ALKBH2: variants seen among roughly 807,000 people sequenced by gnomAD.
ALKBH2 encodes the protein DNA oxidative demethylase ALKBH2.
ALKBH2 carries 19 observed loss-of-function variants against 19.7 expected under a neutral mutation model. That is an observed-to-expected ratio of 0.97 (90% CI 0.67 to 1.42). The LOEUF (loss-of-function observed/expected upper bound fraction) is 1.42, where lower values mean the gene tolerates loss of function less well. ALKBH2 is among the 40% of genes most tolerant of loss of function. The pLI, the probability that ALKBH2 is intolerant of heterozygous loss-of-function variation, is 0.00. For synonymous variants in ALKBH2, 135 were observed against 131.2 expected (o/e 1.03, Z -0.20); for missense variants, 310 against 328.5 (o/e 0.94, Z 0.43).
chr12:109,092,876 C>T lies in ALKBH2; in HGVS notation c.-90G>A, dbSNP rs1158437570. On this transcript the variant is annotated 5_prime_UTR_variant, in exon 2 of 4. Transcript: ENST00000429722. The stretch of plus-strand genomic sequence containing the variant: ...TCCCCAGTGCAAAAATCTGTTTGTC[C>T]AAGGGGTCTCACAGCAACATTCCTA... 2 of 1,514,532 alleles carry T rather than the reference C, an allele frequency of 1.3e-6. No individual in the cohort carries two copies. Among genetic ancestry groups the T allele is most frequent in the East Asian group, 4.6e-5 (2 of 43,740 alleles). The allele number at this position is 1,514,532 out of a possible 1,614,324, so 93.8% of individuals were successfully genotyped here.
rs1296045064 is a variant in ALKBH2, at chr12:109,090,086, C to A, written c.402G>T (p.Trp134Cys). 1 of 1,614,170 alleles carries A rather than the reference C, an allele frequency of 6.2e-7. No homozygotes were observed. Among genetic ancestry groups the A allele is most frequent in the Non-Finnish European group, 8.5e-7 (1 of 1,180,010 alleles). ...FSGLTLSPKP[W>C]IPVLERIRDH... ...CCCGGATGCGCTCTAGAACTGGGAT[C>A]CAGGGCTTTGGAGACAGCGTGAGGC... The change falls in exon 3 of 4, where the codon TGG (tryptophan) becomes TGT (cysteine). Residue 134 changes from tryptophan to cysteine, a missense_variant. Transcript: ENST00000429722.
Position 109,088,395 on chromosome 12 carries a change from A to C in ALKBH2, c.597T>G (p.His199Gln). The change falls in exon 4 of 4, where the codon CAT (histidine) becomes CAG (glutamine). Residue 199 changes from histidine to glutamine, a missense_variant. Transcript: ENST00000429722. This position sits in a 1 kb window ranked among gnomAD's most constrained non-coding sequence, Gnocchi z 4.2. ...AGGGGCTTTTCCCACGGGAATCCTT[A>C]TGCCGGAAGACAAAGTCTCTGCAGG... ...FGACRDFVFR[H>Q]KDSRGKSPSR... 6.2e-7 allele frequency: 1 copy of C among 1,613,796 alleles called. No homozygotes were observed. Among genetic ancestry groups the C allele is most frequent in the Middle Eastern group, 1.6e-4 (1 of 6,062 alleles).
At chr12:109,092,970 AGGGACCCTAG>A in intron 1 of ALKBH2, 33 bp from the exon 2 acceptor site, 1 of 1,390,704 alleles carries the variant, frequency 7.2e-7, no homozygotes, top group Admixed American at 3.1e-5. Flanking sequence ...TAAAGCCGGA[AGGGACCCTAG>A]GGACAATCTG....
In ALKBH2 at chr12:109,092,950, CAGA is replaced by C. The variant is rs755244872; in HGVS notation, c.-151-16_-151-14del. On this transcript the variant is annotated splice_polypyrimidine_tract_variant and intron_variant, in intron 1 of 3. Coordinates refer to ENST00000429722, the MANE Select transcript of ALKBH2 (RefSeq NM_001145374.2). ...TTAAAACCATGTCCTAGAAAGGAAACAGAAGATGTTAAAGCCGGAAGGGACCCT... is the reference window on the plus strand; with the variant it reads ...TTAAAACCATGTCCTAGAAAGGAAACAGATGTTAAAGCCGGAAGGGACCCT... The C allele has an allele frequency of 6.5e-5, 93 of 1,426,756 alleles. 2 individuals carry two copies. The South Asian group carries it at 1.0e-3, about 16-fold the overall frequency. 88.4% of individuals were successfully genotyped at this position (1,426,756 alleles called of 1,614,324 possible).
chr12:109,093,153 T>C (rs527376164), intron 1 of ALKBH2, 94 bp downstream of exon 1: 1 of 205,336 alleles, frequency 4.9e-6, no homozygotes, highest in African/African-American at 2.3e-5. Context: ...CAAACCCTCA[T>C]TTTGCAGAAG....
In ALKBH2 at chr12:109,092,923, GTTTAAAACCA is replaced by G. The variant is rs1355150086; in HGVS notation, c.-147_-138del. 162 of 1,471,818 alleles carry G rather than the reference GTTTAAAACCA, an allele frequency of 1.1e-4. No individual in the cohort carries two copies. The East Asian group carries it at 3.8e-3, about 35-fold the overall frequency. The allele number at this position is 1,471,818 out of a possible 1,614,324, so 91.2% of individuals were successfully genotyped here. On this transcript the variant is annotated 5_prime_UTR_variant, in exon 2 of 4. An upstream start codon of the reference 5' UTR is lost. Transcript: ENST00000429722. ...CCTAGTTTCACATTTTCATTTTAAA[GTTTAAAACCA>G]TGTCCTAGAAAGGAAACAGAAGATG... is the stretch of plus-strand genomic sequence containing the variant.
chr12:109,092,404 A>T, intron 2 of ALKBH2, 103 bp downstream of exon 2: 1 of 1,412,090 alleles, frequency 7.1e-7, no homozygotes, highest in East Asian at 2.6e-5. Flanking sequence ...ACCCATCAGT[A>T]AATAATGGAT....
At position 109,092,687 on chromosome 12, in the gene ALKBH2, T is replaced by C; in HGVS notation, c.100A>G (p.Lys34Glu). The change falls in exon 2 of 4, where the codon AAA (lysine) becomes GAA (glutamate). Residue 34 changes from lysine (K) to glutamate (E), a missense_variant. Physicochemically the swap from Lys to Glu is moderately conservative, Grantham distance 56. Coordinates refer to ENST00000429722, the MANE Select transcript of ALKBH2 (RefSeq NM_001145374.2). ...GEEPAVLGGD[K>E]ESTRKRPRRE... ...CTGGGCCTCTTCCTTGTGCTTTCTT[T>C]GTCTCCTCCCAACACAGCTGGCTCT... The C allele has an allele frequency of 1.9e-6, 3 of 1,614,206 alleles. No individual in the cohort carries two copies. Among genetic ancestry groups the C allele is most frequent in the Non-Finnish European group, 2.5e-6 (3 of 1,180,040 alleles).
chr12:109,090,197 G>C lies in ALKBH2; in HGVS notation c.291C>G (p.Ala97=), dbSNP rs754616093. The C allele has an allele frequency of 7.4e-6, 12 of 1,613,448 alleles. No homozygotes were observed. The highest frequency in any genetic ancestry group is 9.3e-6 in the Non-Finnish European group (11 of 1,180,004). ...GCCACTTCCCGAATACCTGGACTCT[G>C]GCCAGTGCTCCTGTGCAGAGGAAAC... ...KEVEYFTGAL[A]RVQVFGKWHS... Residue 97 remains alanine, a synonymous_variant, in exon 3 of 4, where the codon GCC becomes GCG. Transcript: ENST00000429722.
intron 2 of ALKBH2, among the ~76,000 whole-genome samples, chr12:109,091,126 G>A (rs1334281771): frequency 1.3e-5 from 2 of 152,148 alleles, no homozygotes; most frequent in African/African-American, 4.8e-5. Context: ...AGGCGCGCTG[G>A]CTCATGCTTG....
chr12:109,089,747 T>A (rs2042030075), intron 3 of ALKBH2: 1 of 462,208 alleles, frequency 2.2e-6, no homozygotes, highest in African/African-American at 2.0e-5. Flanking sequence ...AAACCCTGTC[T>A]CAAAAAAAAA....
At chr12:109,092,338 A>T in intron 2 of ALKBH2, 169 bp downstream of exon 2, 2 of 1,041,784 alleles carry the variant, frequency 1.9e-6, no homozygotes, top group Non-Finnish European at 2.5e-6. Context: ...TGTCCCAAGC[A>T]CCTAAGGGGC....
At chr12:109,090,949 A>G (rs890033989) in intron 2 of ALKBH2, among the ~76,000 whole-genome samples, 12 of 152,188 alleles carry the variant, frequency 7.9e-5, no homozygotes, top group Non-Finnish European at 1.6e-4. Flanking sequence ...CCTTAACTAC[A>G]GTAAGGGCAG....
intron 2 of ALKBH2, 101 bp downstream of exon 2, chr12:109,092,406 A>C: frequency 7.1e-7 from 1 of 1,414,498 alleles, no homozygotes; most frequent in Non-Finnish European, 9.2e-7. Flanking sequence ...CCATCAGTAA[A>C]TAATGGATCC....
intron 2 of ALKBH2, chr12:109,092,206 C>G: frequency 3.6e-6 from 1 of 280,374 alleles, no homozygotes. Flanking sequence ...TAGAACCCAG[C>G]ACGTTTTTTT....
chr12:109,088,216 G>C lies in ALKBH2; in HGVS notation c.776C>G (p.Thr259Ser), dbSNP rs938963466. The C allele has an allele frequency of 6.3e-7, 1 of 1,590,720 alleles. No individual in the cohort carries two copies. The highest frequency in any genetic ancestry group is 1.3e-5 in the African/African-American group (1 of 74,096). ...VNLTFRKILLTKK is the reference protein window; with the variant it reads ...VNLTFRKILLSKK The stretch of plus-strand genomic sequence containing the variant: ...CTGTTAAAAATGTTTTTATTTTTTA[G>C]TAAGCAAAATTTTACGAAAAGTCAG... Residue 259 changes from threonine to serine, a missense_variant, in exon 4 of 4, where the codon ACT (threonine) becomes AGT (serine). Physicochemically the swap from Thr to Ser is moderately conservative, Grantham distance 58. Coordinates refer to ENST00000429722, the MANE Select transcript of ALKBH2 (RefSeq NM_001145374.2). The surrounding 1 kb of genome is among the most constrained non-coding windows in gnomAD (Gnocchi z 4.2).
intron 3 of ALKBH2, 121 bp downstream of exon 3, chr12:109,089,888 A>C (rs373912806): frequency 9.4e-7 from 1 of 1,063,542 alleles, no homozygotes. Context: ...TTCCACTCTT[A>C]GAGCCCCAGT....
At chr12:109,090,901 C>T (rs2042051251) in intron 2 of ALKBH2, among the ~76,000 whole-genome samples, 1 of 152,128 alleles carries the variant, frequency 6.6e-6, no homozygotes, top group African/African-American at 2.4e-5. Flanking sequence ...GAAACATGGT[C>T]CTGGGCCATT....
At chr12:109,092,064 G>A (rs941046019) in intron 2 of ALKBH2, among the ~76,000 whole-genome samples, 1 of 152,178 alleles carries the variant, frequency 6.6e-6, no homozygotes, top group African/African-American at 2.4e-5. Flanking sequence ...AAATTACCTG[G>A]TTATTTGCCA....
Sources: allele counts gnomAD v4.1 joint callset (sites outside exome capture counted in the v4.1 genomes callset), GRCh38; gene constraint gnomAD v4.1.1; non-coding constraint Gnocchi (gnomAD v3.1); transcripts MANE v1.5; gene names NCBI Gene and HGNC (gene_info 2026-07-23, HGNC 2026-07-21).